The following EXOC6 variants were observed in gnomAD, a reference collection of about 807,000 sequenced individuals.
The protein encoded by EXOC6 is exocyst complex component 6.
Under a neutral mutation model 112.5 loss-of-function variants are expected in EXOC6, and 60 were observed. That is an observed-to-expected ratio of 0.53 (90% CI 0.43 to 0.66). EXOC6 has a LOEUF of 0.66. Among genes scored for constraint, EXOC6 ranks in the 30% least tolerant of loss-of-function variants. The pLI is 0.00. For synonymous variants in EXOC6, 295 were observed against 308.0 expected (o/e 0.96, Z 0.44); for missense variants, 855 against 957.1 (o/e 0.89, Z 1.41).
intron 12 of EXOC6, among the ~76,000 whole-genome samples, chr10:92,940,483 A>C (rs375489425): frequency 2.0e-5 from 3 of 152,150 alleles, no homozygotes; most frequent in East Asian, 1.9e-4. Flanking sequence ...CACTGTAATC[A>C]TTACTAAAAA....
chr10:92,863,543 A>T (rs1338860646), intron 1 of EXOC6, among the ~76,000 whole-genome samples: 1 of 152,134 alleles, frequency 6.6e-6, no homozygotes, highest in African/African-American at 2.4e-5. Context: ...TTGGGAGGCC[A>T]AGGCGGGAAG....
chr10:92,989,264 A>G (rs1298783585), intron 18 of EXOC6, among the ~76,000 whole-genome samples: 1 of 152,224 alleles, frequency 6.6e-6, no homozygotes, highest in East Asian at 1.9e-4. Context: ...TGTTTGTATA[A>G]AGCGTATAAA....
At chr10:92,950,582 A>G (rs890561902) in intron 14 of EXOC6, among the ~76,000 whole-genome samples, 1 of 152,192 alleles carries the variant, frequency 6.6e-6, no homozygotes, top group African/African-American at 2.4e-5. Context: ...AGAAGTTTGC[A>G]TTGCTTAAGA....
intron 18 of EXOC6, 106 bp from the exon 19 acceptor site, chr10:92,997,368 G>A: frequency 9.5e-7 from 1 of 1,049,380 alleles, no homozygotes; most frequent in Non-Finnish European, 1.4e-6. Flanking sequence ...ATTGTACCAA[G>A]CATAAGCAAC....
At chr10:93,038,648 G>C (rs1223389156) in intron 20 of EXOC6, among the ~76,000 whole-genome samples, 1 of 152,138 alleles carries the variant, frequency 6.6e-6, no homozygotes, top group Non-Finnish European at 1.5e-5. Context: ...TAAATTAGAA[G>C]CTTTTTCATG....
intron 13 of EXOC6, among the ~76,000 whole-genome samples, chr10:92,945,956 G>T (rs995569667): frequency 3.3e-5 from 5 of 152,042 alleles, no homozygotes; most frequent in Admixed American, 2.0e-4. Flanking sequence ...GATTAGTGGC[G>T]CACACCCTGT....
In EXOC6 at chr10:92,894,835, A is replaced by G; in HGVS notation, c.315A>G (p.Gly105=). Residue 105 remains glycine (G), a synonymous_variant, in exon 3 of 22, where the codon GGA becomes GGG. Transcript: ENST00000260762. ...TDTNRRFQDA[G]KEVIVHTEDI... is the part of the protein sequence containing the mutation. ...CCAACCGAAGGTTTCAAGATGCTGG[A>G]AAAGAGGTGAGAAAATGATACTTTT... is the stretch of plus-strand genomic sequence containing the variant. The G allele has an allele frequency of 1.2e-6, 2 of 1,613,398 alleles. No homozygotes were observed. The highest frequency in any genetic ancestry group is 4.5e-5 in the East Asian group (2 of 44,796).
chr10:92,834,684 G>C, upstream of EXOC6: 3 of 1,370,868 alleles, frequency 2.2e-6, no homozygotes, highest in Non-Finnish European at 3.0e-6. Flanking sequence ...AATTACAACA[G>C]TTTTTCACTC....
At position 92,865,564 on chromosome 10, in the gene EXOC6, C is replaced by T. The variant is rs116018632; in HGVS notation, c.101+16930C>T. Among the ~76,000 whole-genome samples the T allele has an allele frequency of 2.3e-3, 350 of 151,984 alleles. 1 individual carries two copies. Among genetic ancestry groups the T allele is most frequent in the African/African-American group, 7.8e-3 (323 of 41,532 alleles). ...CTCAAGCGATCTCTCGCCTCAGCCT[C>T]CTGAATAGCTGGGATTACAGGTGTA... On this transcript the variant is annotated intron_variant, in intron 1 of 21. Transcript: ENST00000260762.
At chr10:92,983,500 C>CTTTT (rs11349490) in intron 18 of EXOC6, among the ~76,000 whole-genome samples, 7 of 109,382 alleles carry the variant, frequency 6.4e-5, no homozygotes, top group African/African-American at 7.7e-5. Flanking sequence ...CTTTCTTCTT[C>CTTTT]TTTTTTTTTT....
intron 20 of EXOC6, among the ~76,000 whole-genome samples, chr10:93,054,981 C>T (rs1313486415): frequency 6.6e-6 from 1 of 152,078 alleles, no homozygotes; most frequent in African/African-American, 2.4e-5. Context: ...ACCTTAATCC[C>T]ACCACATAAA....
At chr10:92,846,395 T>C (rs1463064073), upstream of EXOC6, among the ~76,000 whole-genome samples, 2 of 152,206 alleles carry the variant, frequency 1.3e-5, no homozygotes, top group African/African-American at 4.8e-5. Flanking sequence ...ATTATCATAG[T>C]TCACCGCAGC....
intron 18 of EXOC6, among the ~76,000 whole-genome samples, chr10:92,975,385 A>G (rs1437231504): frequency 1.1e-4 from 15 of 131,746 alleles, no homozygotes; most frequent in South Asian, 2.6e-4. Flanking sequence ...GCCCCGTCTG[A>G]GAAGTGAGGA....
At chr10:92,957,276 C>A (rs1364653259) in intron 17 of EXOC6, among the ~76,000 whole-genome samples, 1 of 152,114 alleles carries the variant, frequency 6.6e-6, no homozygotes, top group Non-Finnish European at 1.5e-5. Flanking sequence ...GTTAACATTA[C>A]TTTTAATATG....
At chr10:92,960,670 T>C (rs2134038196) in intron 17 of EXOC6, among the ~76,000 whole-genome samples, 1 of 152,014 alleles carries the variant, frequency 6.6e-6, no homozygotes, top group South Asian at 2.1e-4. Flanking sequence ...GTAGAAGCCT[T>C]CCTCATTCCT....
Position 93,058,319 on chromosome 10 carries a change from G to C in EXOC6, c.2379G>C (p.Leu793=). 6.2e-7 allele frequency: 1 copy of C among 1,611,612 alleles called. No homozygotes were observed. Among genetic ancestry groups the C allele is most frequent in the Non-Finnish European group, 8.5e-7 (1 of 1,179,576 alleles). ...QKLIETVVKQ[L]RSLVNGMSQH... ...TGATAGAGACAGTCGTGAAACAGCT[G>C]AGAAGTTTGGTGAATGGTATGTCCC... Residue 793 remains leucine (L), a synonymous_variant, in exon 22 of 22, where the codon CTG becomes CTC. Coordinates refer to ENST00000260762, the MANE Select transcript of EXOC6 (RefSeq NM_019053.6).
intron 1 of EXOC6, among the ~76,000 whole-genome samples, chr10:92,867,712 A>G (rs777507768): frequency 6.6e-6 from 1 of 152,212 alleles, no homozygotes; most frequent in Admixed American, 6.5e-5. Flanking sequence ...TGATGTTACA[A>G]CTGTTTCAAA....
chr10:92,852,611 A>T (rs778582244), intron 1 of EXOC6, among the ~76,000 whole-genome samples: 6 of 152,220 alleles, frequency 3.9e-5, no homozygotes, highest in Non-Finnish European at 8.8e-5. Context: ...TTCAAGAAAG[A>T]TGCTGGCTTA....
At chr10:93,052,881 T>G (rs1846366345) in intron 20 of EXOC6, among the ~76,000 whole-genome samples, 1 of 152,212 alleles carries the variant, frequency 6.6e-6, no homozygotes, top group South Asian at 2.1e-4. Flanking sequence ...TTCAGGTGTA[T>G]GTGTTAACCA....
Sources: allele counts gnomAD v4.1 joint callset (sites outside exome capture counted in the v4.1 genomes callset), GRCh38; gene constraint gnomAD v4.1.1; transcripts MANE v1.5; gene names NCBI Gene and HGNC (gene_info 2026-07-23, HGNC 2026-07-21).